The following TNS3 variants were observed in gnomAD, a reference collection of about 807,000 sequenced individuals.
The protein encoded by TNS3 is tensin 3.
A neutral mutation model predicts 140.9 loss-of-function variants in TNS3; 45 were observed. That is an observed-to-expected ratio of 0.32 (90% CI 0.25 to 0.41). The LOEUF is 0.41. Ranked by LOEUF, TNS3 falls within the 10% of genes least tolerant of loss-of-function variation. The pLI is 1.00. For missense variants in TNS3, 1,716 were observed against 1,906.7 expected (o/e 0.90, Z 1.86); for synonymous variants, 815 against 788.4 (o/e 1.03, Z -0.56).
At chr7:47,430,632 T>A (rs1195126723) in intron 8 of TNS3, among the ~76,000 whole-genome samples, 3 of 152,118 alleles carry the variant, frequency 2.0e-5, no homozygotes, top group Admixed American at 6.5e-5. Flanking sequence ...TCTTCTGAAG[T>A]GCACACAGAA....
At chr7:47,518,560 G>A (rs73695378) in intron 2 of TNS3, among the ~76,000 whole-genome samples, 4,496 of 152,256 alleles carry the variant, frequency 0.03, 227 homozygotes, top group African/African-American at 0.1. Flanking sequence ...CAGGCACAGA[G>A]GCCGACGCCT....
chr7:47,278,223 G>A lies in TNS3; in HGVS notation c.4194-3C>T. 1.2e-6 allele frequency: 2 copies of A among 1,613,300 alleles called. No homozygotes were observed. Among genetic ancestry groups the A allele is most frequent in the Non-Finnish European group, 1.7e-6 (2 of 1,179,690 alleles). On this transcript the variant is annotated splice_region_variant and splice_polypyrimidine_tract_variant and intron_variant, in intron 30 of 30. Transcript: ENST00000311160. ...TCCGGGCCACAAATCCAAAGACTCT[G>A]CCAAAGGAAAGTCCAGTCAGAGTGG...
At chr7:47,314,583 C>A (rs1787287021) in intron 20 of TNS3, among the ~76,000 whole-genome samples, 1 of 152,182 alleles carries the variant, frequency 6.6e-6, no homozygotes, top group Non-Finnish European at 1.5e-5. Context: ...TAAGAACAGG[C>A]AGAATTGTTG....
chr7:47,354,314 G>A (rs1789859302), intron 17 of TNS3, among the ~76,000 whole-genome samples: 1 of 152,154 alleles, frequency 6.6e-6, no homozygotes. Flanking sequence ...TGCCAGCACT[G>A]GAGAGCACCT....
chr7:47,342,116 C>T (rs1789053258), intron 20 of TNS3, among the ~76,000 whole-genome samples: 1 of 152,138 alleles, frequency 6.6e-6, no homozygotes, highest in Admixed American at 6.5e-5. Context: ...AAGATTGTTT[C>T]CTGGCCCATA....
chr7:47,458,171 T>C (rs1480062620), intron 4 of TNS3, among the ~76,000 whole-genome samples: 2 of 152,268 alleles, frequency 1.3e-5, no homozygotes, highest in Non-Finnish European at 2.9e-5. Flanking sequence ...GGTATCTAAC[T>C]GACCCGTTCA....
At chr7:47,554,417 CA>C (rs757352132) in intron 1 of TNS3, among the ~76,000 whole-genome samples, 1,902 of 64,008 alleles carry the variant, frequency 0.03, 35 homozygotes, top group African/African-American at 0.083. Context: ...GACTCCATCT[CA>C]AAAAAAAAAA....
At position 47,355,383 on chromosome 7, in the gene TNS3, C is replaced by T. The variant is rs117656876; in HGVS notation, c.2282-9027G>A. Among the ~76,000 whole-genome samples, 569 of 152,296 alleles carry T rather than the reference C, an allele frequency of 3.7e-3. 1 individual carries two copies. Among genetic ancestry groups the T allele is most frequent in the Non-Finnish European group, 6.0e-3 (410 of 68,022 alleles). On this transcript the variant is annotated intron_variant, in intron 17 of 30. Coordinates refer to ENST00000311160, the MANE Select transcript of TNS3 (RefSeq NM_022748.12). The stretch of plus-strand genomic sequence containing the variant: ...GGTCCTGACAGGGAATCCTCACGTG[C>T]TCTGAGGAAAGAGCAGGAAAGCCAG...
Position 47,368,940 on chromosome 7 carries a change from T to C in TNS3, c.1706A>G (p.Lys569Arg). The C allele has an allele frequency of 6.2e-7, 1 of 1,613,598 alleles. No individual in the cohort carries two copies. Among genetic ancestry groups the C allele is most frequent in the South Asian group, 1.1e-5 (1 of 91,010 alleles). The change falls in exon 17 of 31, where the codon AAG becomes AGG. Residue 569 changes from lysine to arginine, a missense_variant. Lys to Arg is a conservative substitution (Grantham distance 26, BLOSUM62 2). Around this residue, in one of 3 missense-constraint regions of TNS3, gnomAD observed 1,163 missense variants for 1,182.1 expected, o/e 0.98. Coordinates refer to ENST00000311160, the MANE Select transcript of TNS3 (RefSeq NM_022748.12). ...CTGCATCTGGGCGGACACTGAGGGC[T>C]TTCTCAGCAGGGGCTGGGGCTGCTT... ...EPKQPQPLLR[K>R]PSVSAQMQAY...
At chr7:47,566,008 C>T (rs1800421581) in intron 1 of TNS3, among the ~76,000 whole-genome samples, 1 of 97,650 alleles carries the variant, frequency 1.0e-5, no homozygotes, top group South Asian at 4.8e-4. Flanking sequence ...AACAGCTTCA[C>T]TGGGGTTTCA....
chr7:47,524,154 C>T (rs1043952462), intron 2 of TNS3, among the ~76,000 whole-genome samples: 9 of 152,194 alleles, frequency 5.9e-5, no homozygotes, highest in African/African-American at 1.7e-4. Flanking sequence ...CACGAAGCAG[C>T]CGTCCCCTGG....
chr7:47,400,996 C>A (rs1793129055), intron 13 of TNS3, 82 bp from the exon 14 acceptor site: 20 of 1,576,560 alleles, frequency 1.3e-5, no homozygotes, highest in Non-Finnish European at 1.7e-5. Context: ...CCGCGGAGGC[C>A]GGCACAGCAG....
chr7:47,391,702 A>AATC (rs749759120), intron 16 of TNS3, among the ~76,000 whole-genome samples: 6 of 152,166 alleles, frequency 3.9e-5, no homozygotes, highest in Non-Finnish European at 8.8e-5. Flanking sequence ...TGACAATACA[A>AATC]ATCCAGGGAC....
chr7:47,426,635 G>T (rs1431059675), intron 9 of TNS3, among the ~76,000 whole-genome samples: 2 of 152,134 alleles, frequency 1.3e-5, no homozygotes, highest in African/African-American at 4.8e-5. Flanking sequence ...GGATGCTGAG[G>T]CTTAGAGAGA....
rs1395992977 is a variant in TNS3, at chr7:47,429,987, T to C, written c.325-1611A>G. Among the ~76,000 whole-genome samples, 7 of 152,284 alleles carry C rather than the reference T, an allele frequency of 4.6e-5. No homozygotes were observed. The East Asian group carries it at 1.2e-3, about 25-fold the overall frequency. ...AGTATACCTCTTGCATAAAACTATA[T>C]TTGACAGCAATTCACCTACAAAGAA... is the stretch of plus-strand genomic sequence containing the variant. On this transcript the variant is annotated intron_variant, in intron 8 of 30. Transcript: ENST00000311160.
In TNS3 at chr7:47,439,334, G is replaced by C. The variant is rs1447714420; in HGVS notation, c.150+153C>G. On this transcript the variant is annotated intron_variant, in intron 6 of 30. Coordinates refer to ENST00000311160, the MANE Select transcript of TNS3 (RefSeq NM_022748.12). Reference sequence around the variant, plus strand: ...TCTCCTCCCCAGGCGTGGCAGCAGAGAGACAGAGGACGAAGGCGCCACGGA... The same window carrying C: ...TCTCCTCCCCAGGCGTGGCAGCAGACAGACAGAGGACGAAGGCGCCACGGA... 2.0e-5 allele frequency among the ~76,000 whole-genome samples: 3 copies of C among 152,316 alleles called. No individual in the cohort carries two copies. In the Middle Eastern group the frequency reaches 0.01, roughly 518 times the overall value.
intron 2 of TNS3, among the ~76,000 whole-genome samples, chr7:47,518,265 C>T (rs971057478): frequency 6.6e-6 from 1 of 152,176 alleles, no homozygotes; most frequent in Non-Finnish European, 1.5e-5. Flanking sequence ...ACAGAGCAGC[C>T]CTCTCTGTGC....
chr7:47,295,173 T>C (rs1027788352), intron 24 of TNS3, among the ~76,000 whole-genome samples: 4 of 152,198 alleles, frequency 2.6e-5, no homozygotes, highest in African/African-American at 9.6e-5. Context: ...TATTCTAATA[T>C]CCCCTATTTT....
chr7:47,343,763 T>C (rs1789155550), intron 20 of TNS3, among the ~76,000 whole-genome samples: 1 of 152,256 alleles, frequency 6.6e-6, no homozygotes, highest in African/African-American at 2.4e-5. Flanking sequence ...ATTTTAAATT[T>C]CAGTAGCACT....
Sources: gnomAD v4.1 joint callset for allele counts (sites outside exome capture counted in the v4.1 genomes callset) on GRCh38, gnomAD v4.1.1 for gene constraint, gnomAD v4.1.1 regional missense constraint, MANE v1.5 for transcripts, NCBI Gene and HGNC (gene_info 2026-07-23, HGNC 2026-07-21) for gene names.